Variants in LYG1 observed in about 807,000 individuals in gnomAD.
The protein encoded by LYG1 is lysozyme g-like protein 1.
In LYG1, 17 loss-of-function variants were observed where a neutral mutation model predicts 21.7. The ratio of observed to expected loss-of-function variants is 0.78; its 90% CI spans 0.54 to 1.18. The LOEUF is 1.18. Ranked by LOEUF, LYG1 falls within the 50% of genes most tolerant of loss-of-function variation. LYG1 has a pLI of 0.00. For synonymous variants in LYG1, 81 were observed against 87.4 expected, an observed-to-expected ratio of 0.93 and a Z score of 0.41; for missense variants, 211 against 238.1, an observed-to-expected ratio of 0.89 and a Z score of 0.75.
rs574826523 is a variant in LYG1 at position 99,292,450 on chromosome 2, G to T, written c.148+86C>A. The T allele has an allele frequency of 8.0e-6, 8 of 999,704 alleles. No homozygotes were observed. In the East Asian group the frequency reaches 1.9e-4, roughly 24 times the overall value. The allele number at this position is 999,704 out of a possible 1,614,324, so 61.9% of individuals were successfully genotyped here. The stretch of plus-strand genomic sequence containing the variant: ...GCAGAGCTTTGGGACCCCATACCCG[G>T]AACTCTTTCCAACACTCAGTAGCGT... On this transcript the variant is annotated intron_variant, in intron 4 of 6. Transcript: ENST00000308528.
chr2:99,294,815 T>G (rs1055473521), intron 3 of LYG1, among the ~76,000 whole-genome samples: 1 of 152,090 alleles, frequency 6.6e-6, no homozygotes, highest in Non-Finnish European at 1.5e-5. Flanking sequence ...CTCCTTTTAT[T>G]TATTAAAAAA....
At chr2:99,299,911 T>C (rs904692115) in intron 1 of LYG1, among the ~76,000 whole-genome samples, 2 of 151,708 alleles carry the variant, frequency 1.3e-5, no homozygotes, top group African/African-American at 2.4e-5. Context: ...TCCCTACATA[T>C]ATACACACAC....
chr2:99,295,839 A>C, intron 2 of LYG1, 137 bp from the exon 3 acceptor site: 1 of 812,766 alleles, frequency 1.2e-6, no homozygotes, highest in South Asian at 1.8e-5. Context: ...TATTTGAATC[A>C]TAGTGAAAAA....
rs750557643 is a variant in LYG1 at position 99,292,634 on chromosome 2, G to C, written c.50C>G (p.Ser17Cys). Residue 17 changes from serine to cysteine, a missense_variant, in exon 4 of 7, where the codon TCT becomes TGT. By Grantham distance (112) the Ser-to-Cys change is moderately radical. Coordinates refer to ENST00000308528, the MANE Select transcript of LYG1 (RefSeq NM_174898.3). ...ATAGCATCCCCAGTTGCTGCTTTCA[G>C]ACAAGTCTACAAGTTGAGAAAAGTT... Reference protein sequence around the residue: ...LLGLLALMDLSESSNWGCYGN... With the variant: ...LLGLLALMDLCESSNWGCYGN... 6.2e-7 allele frequency: 1 copy of C among 1,613,124 alleles called. No individual in the cohort carries two copies. The highest frequency in any genetic ancestry group is 1.1e-5 in the South Asian group (1 of 91,060).
Position 99,287,858 on chromosome 2 carries a change from T to C in LYG1, c.334-3038A>G, listed in dbSNP as rs544618662. 7.1e-4 allele frequency among the ~76,000 whole-genome samples: 108 copies of C among 152,310 alleles called. No individual in the cohort carries two copies. The Middle Eastern group carries it at 0.01, about 14-fold the overall frequency. On this transcript the variant is annotated intron_variant, in intron 5 of 6. Transcript: ENST00000308528. ...TGATATATGATCAACTTTTGTAAAA[T>C]GTTCCTCATGTGCAGGAAACAATTG...
chr2:99,294,150 G>A (rs1401250277), intron 3 of LYG1, among the ~76,000 whole-genome samples: 1 of 152,156 alleles, frequency 6.6e-6, no homozygotes, highest in Non-Finnish European at 1.5e-5. Context: ...CTGAGCTCAA[G>A]CAATTTGCCC....
upstream of LYG1, among the ~76,000 whole-genome samples, chr2:99,303,966 T>C (rs2094160843): frequency 6.6e-6 from 1 of 151,968 alleles, no homozygotes; most frequent in Admixed American, 6.6e-5. Flanking sequence ...GCTCAAGAGA[T>C]AGAGAACATC....
At chr2:99,301,401 GAGAA>G (rs1336901894), upstream of LYG1, among the ~76,000 whole-genome samples, 2 of 149,290 alleles carry the variant, frequency 1.3e-5, no homozygotes, top group South Asian at 2.1e-4. Context: ...GGAAGAGAGA[GAGAA>G]AGAGAGAGAG....
intron 3 of LYG1, among the ~76,000 whole-genome samples, chr2:99,293,193 T>C (rs1377907874): frequency 6.6e-6 from 1 of 152,018 alleles, no homozygotes; most frequent in African/African-American, 2.4e-5. Context: ...GGTTTCACCA[T>C]GTTGGCCAGG....
At chr2:99,284,851 G>C in intron 5 of LYG1, 31 bp from the exon 6 acceptor site, 1 of 1,609,418 alleles carries the variant, frequency 6.2e-7, no homozygotes, top group Non-Finnish European at 8.5e-7. Flanking sequence ...AAGAAGCCAC[G>C]TAAGCTGGGT....
chr2:99,293,066 T>C (rs1331888747), intron 3 of LYG1, among the ~76,000 whole-genome samples: 2 of 142,798 alleles, frequency 1.4e-5, no homozygotes, highest in Admixed American at 1.5e-4. Context: ...ATCTCGACTC[T>C]CTGCAACCTC....
At chr2:99,298,932 T>C (rs916094316) in intron 1 of LYG1, among the ~76,000 whole-genome samples, 9 of 152,110 alleles carry the variant, frequency 5.9e-5, no homozygotes, top group African/African-American at 2.2e-4. Context: ...TTTTGTTGGG[T>C]TTTGCTTTGT....
chr2:99,296,186 T>C (rs2094135745), intron 2 of LYG1, among the ~76,000 whole-genome samples: 1 of 152,180 alleles, frequency 6.6e-6, no homozygotes, highest in African/African-American at 2.4e-5. Flanking sequence ...TGCCCTGGAA[T>C]GTACACTGGT....
chr2:99,303,690 G>A (rs916579957), upstream of LYG1, among the ~76,000 whole-genome samples: 1 of 152,184 alleles, frequency 6.6e-6, no homozygotes, highest in African/African-American at 2.4e-5. Flanking sequence ...AGAGATGATG[G>A]TTGGACTAGA....
Position 99,289,459 on chromosome 2 carries a change from A to AG in LYG1, c.333+1777_333+1778insC, listed in dbSNP as rs2094112220. On this transcript the variant is annotated intron_variant, in intron 5 of 6. Transcript: ENST00000308528. ...TGACAGAGCCAGACCCTGTCTTAAA[A>AG]AAAAAAAAAATCTGTTAAGATGATA... Among the ~76,000 whole-genome samples, 5 of 151,778 alleles carry AG rather than the reference A, an allele frequency of 3.3e-5. No homozygotes were observed. In the South Asian group the frequency reaches 8.4e-4, roughly 25 times the overall value.
rs186410971 is a variant in LYG1 at position 99,295,609 on chromosome 2, A to T, written c.43+19T>A. ...CCTTCCCATCTCCAAAGTCATTTGT[A>T]AAAATCAGCCACACTCACCCATCAG... is the stretch of plus-strand genomic sequence containing the variant. On this transcript the variant is annotated intron_variant, in intron 3 of 6. Coordinates refer to ENST00000308528, the MANE Select transcript of LYG1 (RefSeq NM_174898.3). The T allele has an allele frequency of 9.9e-6, 16 of 1,614,074 alleles. No homozygotes were observed. In the African/African-American group the frequency reaches 2.0e-4, roughly 20 times the overall value.
upstream of LYG1, among the ~76,000 whole-genome samples, chr2:99,303,072 C>A (rs957019114): frequency 1.3e-5 from 2 of 151,104 alleles, no homozygotes; most frequent in East Asian, 2.0e-4. Flanking sequence ...GATGGTGAGA[C>A]CACAAGGCAG....
In LYG1 at chr2:99,291,369, T is replaced by C; in HGVS notation, c.201A>G (p.Lys67=). ...CAATGGTTTGCATCATGGGTTGATA[T>C]TTCAGGAGGTATGGCATGTCTATTT... The part of the protein sequence containing the change: ...LAEIDMPYLL[K]YQPMMQTIGQ... Residue 67 remains lysine, a synonymous_variant, in exon 5 of 7, where the codon AAA becomes AAG. Coordinates refer to ENST00000308528, the MANE Select transcript of LYG1 (RefSeq NM_174898.3). The C allele has an allele frequency of 6.2e-7, 1 of 1,614,154 alleles. No individual in the cohort carries two copies.
chr2:99,297,376 G>T (rs2094140015), intron 2 of LYG1, among the ~76,000 whole-genome samples: 2 of 152,214 alleles, frequency 1.3e-5, no homozygotes, highest in African/African-American at 4.8e-5. Flanking sequence ...TGCATCACTG[G>T]CTTTATGGAA....
Sources: allele counts gnomAD v4.1 joint callset (sites outside exome capture counted in the v4.1 genomes callset), GRCh38; gene constraint gnomAD v4.1.1; transcripts MANE v1.5; gene names NCBI Gene and HGNC (gene_info 2026-07-23, HGNC 2026-07-21).